FAM177A1: variants seen among roughly 807,000 people sequenced by gnomAD.
The protein encoded by FAM177A1 is family with sequence similarity 177 member A1, also known as protein FAM177A1.
In FAM177A1, 22 loss-of-function variants were observed where a neutral mutation model predicts 26.1. The ratio of observed to expected loss-of-function variants is 0.84; its 90% confidence interval spans 0.60 to 1.20. FAM177A1 has a LOEUF of 1.20. FAM177A1 is among the 50% of genes most tolerant of loss of function. The pLI, the probability that FAM177A1 is intolerant of heterozygous loss-of-function variation, is 0.00. For missense variants in FAM177A1, 296 were observed against 291.1 expected (o/e 1.02, Z -0.12); for synonymous variants, 95 against 99.3 (o/e 0.96, Z 0.26).
intron 1 of FAM177A1, among the ~76,000 whole-genome samples, chr14:35,049,240 C>T (rs932657017): frequency 2.6e-5 from 4 of 152,046 alleles, no homozygotes; most frequent in Admixed American, 2.6e-4. Flanking sequence ...GACTTTTAAC[C>T]AGAATCTCAG....
chr14:35,059,780 C>G (rs2045121275), intron 2 of FAM177A1, among the ~76,000 whole-genome samples: 1 of 152,110 alleles, frequency 6.6e-6, no homozygotes, highest in Non-Finnish European at 1.5e-5. Flanking sequence ...AACTCTTGAC[C>G]TTGTGATCCA....
At chr14:35,058,211 T>C (rs1324065345) in intron 2 of FAM177A1, among the ~76,000 whole-genome samples, 1 of 152,020 alleles carries the variant, frequency 6.6e-6, no homozygotes, top group Non-Finnish European at 1.5e-5. Context: ...GTAGCTGAGA[T>C]TACAGGCTTG....
chr14:35,079,165 CT>C (rs2045442213), intron 4 of FAM177A1, 141 bp downstream of exon 4: 1 of 606,028 alleles, frequency 1.7e-6, no homozygotes, highest in South Asian at 2.4e-5. Flanking sequence ...TCATTAATTT[CT>C]TTTATCAAAG....
upstream of FAM177A1, chr14:35,045,282 C>T (rs761084547): frequency 8.6e-5 from 13 of 152,020 alleles, no homozygotes; most frequent in Admixed American, 3.3e-4. Flanking sequence ...GTTTTTAAGG[C>T]GTAGATGGTT....
chr14:35,077,116 G>A, intron 2 of FAM177A1, 34 bp from the exon 3 acceptor site: 1 of 1,537,356 alleles, frequency 6.5e-7, no homozygotes, highest in Non-Finnish European at 9.0e-7. Context: ...ATGAATTTAG[G>A]TATGAATGTT....
chr14:35,050,869 G>T (rs1232462256), intron 1 of FAM177A1: 4 of 152,298 alleles, frequency 2.6e-5, no homozygotes, highest in African/African-American at 9.6e-5. Flanking sequence ...TATCTCAAGG[G>T]TAAACATGAG....
At chr14:35,069,186 G>C (rs1248823860) in intron 2 of FAM177A1, among the ~76,000 whole-genome samples, 1 of 151,696 alleles carries the variant, frequency 6.6e-6, no homozygotes, top group Non-Finnish European at 1.5e-5. Context: ...TTTTTTAAAT[G>C]TGTATAGCTA....
intron 2 of FAM177A1, among the ~76,000 whole-genome samples, chr14:35,062,563 A>G (rs1311476804): frequency 6.6e-6 from 1 of 152,186 alleles, no homozygotes; most frequent in Non-Finnish European, 1.5e-5. Context: ...ATTACAAAGA[A>G]GAGAGATAAC....
chr14:35,048,161 C>T (rs1377288300), intron 1 of FAM177A1, among the ~76,000 whole-genome samples: 1 of 152,150 alleles, frequency 6.6e-6, no homozygotes, highest in Non-Finnish European at 1.5e-5. Context: ...TGAGTTGAGA[C>T]CTATTGTTGG....
intron 2 of FAM177A1, among the ~76,000 whole-genome samples, chr14:35,055,204 G>A (rs1419417712): frequency 3.3e-5 from 5 of 151,196 alleles, no homozygotes; most frequent in African/African-American, 4.9e-5. Flanking sequence ...TCAGGAGGCT[G>A]AGGCAGGAGA....
intron 2 of FAM177A1, among the ~76,000 whole-genome samples, chr14:35,070,160 A>C (rs2045299204): frequency 7.0e-6 from 1 of 141,964 alleles, no homozygotes; most frequent in Non-Finnish European, 1.5e-5. Flanking sequence ...AGAAGTGAAG[A>C]CCTAGATCTT....
At chr14:35,080,704 G>A (rs2045467470) in intron 4 of FAM177A1, among the ~76,000 whole-genome samples, 1 of 152,124 alleles carries the variant, frequency 6.6e-6, no homozygotes, top group East Asian at 1.9e-4. Context: ...AGGAGGCTGA[G>A]GCAGGAGAAT....
rs771646413 is a variant in FAM177A1, at chr14:35,046,479, C to T, written c.16C>T (p.Pro6Ser). 4.4e-6 allele frequency: 7 copies of T among 1,590,370 alleles called. No homozygotes were observed. Among genetic ancestry groups the T allele is most frequent in the African/African-American group, 2.7e-5 (2 of 73,450 alleles). Residue 6 changes from proline (P) to serine (S), a missense_variant, in exon 1 of 5, where the codon CCG becomes TCG. Physicochemically the swap from Pro to Ser is moderately conservative, Grantham distance 74. Coordinates refer to ENST00000280987, the MANE Select transcript of FAM177A1 (RefSeq NM_173607.5). The stretch of plus-strand genomic sequence containing the variant: ...GAGACCAAGGATGGAAGTGGGCTTA[C>T]CGGCCATTACCCTCTTTCTCACCAG... Reference protein sequence around the residue: MEVGLPAITLFLTSAS... With the variant: MEVGLSAITLFLTSAS...
intron 2 of FAM177A1, among the ~76,000 whole-genome samples, chr14:35,075,556 A>G (rs1216741260): frequency 1.3e-5 from 2 of 152,152 alleles, no homozygotes; most frequent in African/African-American, 4.8e-5. Flanking sequence ...CTTCATGACT[A>G]AAACACCAAA....
intron 2 of FAM177A1, among the ~76,000 whole-genome samples, chr14:35,063,569 A>G (rs1211832174): frequency 3.3e-5 from 5 of 151,916 alleles, no homozygotes; most frequent in African/African-American, 4.8e-5. Context: ...CAAGAGTGAA[A>G]CGCCATCTCA....
At position 35,046,311 on chromosome 14, in the gene FAM177A1, G is replaced by A. The variant is rs2044860228; in HGVS notation, c.-153G>A. ...CAGCTCTCGGGGTGCGGAGCCCGGC[G>A]GGCTAGGCGAGGCGCGGGCTGGCCC... is the stretch of plus-strand genomic sequence containing the variant. On this transcript the variant is annotated 5_prime_UTR_variant, in exon 1 of 5. Coordinates refer to ENST00000280987, the MANE Select transcript of FAM177A1 (RefSeq NM_173607.5). 1.1e-6 allele frequency: 1 copy of A among 884,192 alleles called. No homozygotes were observed. The highest frequency in any genetic ancestry group is 1.6e-6 in the Non-Finnish European group (1 of 633,708). The allele number at this position is 884,192 out of a possible 1,614,324, so 54.8% of individuals were successfully genotyped here. A position where few individuals can be genotyped will look rare whatever the true frequency, so the allele number is the denominator to read the frequency against.
chr14:35,081,257 T>G lies in FAM177A1; in HGVS notation c.*29T>G. 1 of 1,562,348 alleles carries G rather than the reference T, an allele frequency of 6.4e-7. No individual in the cohort carries two copies. The highest frequency in any genetic ancestry group is 8.6e-7 in the Non-Finnish European group (1 of 1,162,064). On this transcript the variant is annotated 3_prime_UTR_variant, in exon 5 of 5. Coordinates refer to ENST00000280987, the MANE Select transcript of FAM177A1 (RefSeq NM_173607.5). ...GAAATGACTATCAAGCTTCAAACTC[T>G]TAAGTTTTTTTTTTTTAATACAAAA... is the stretch of plus-strand genomic sequence containing the variant.
chr14:35,052,502 T>C (rs947790800), intron 1 of FAM177A1, among the ~76,000 whole-genome samples: 28 of 151,942 alleles, frequency 1.8e-4, no homozygotes, highest in African/African-American at 6.8e-4. Flanking sequence ...AGCCCGCGCC[T>C]GGCCCAACTT....
intron 2 of FAM177A1, among the ~76,000 whole-genome samples, chr14:35,063,930 C>T (rs1041215679): frequency 6.6e-6 from 1 of 150,948 alleles, no homozygotes; most frequent in Non-Finnish European, 1.5e-5. Context: ...AGCCTGTAAT[C>T]CCAGCTACTC....
Sources: gnomAD v4.1 joint callset for allele counts (sites outside exome capture counted in the v4.1 genomes callset) on GRCh38, gnomAD v4.1.1 for gene constraint, MANE v1.5 for transcripts, NCBI Gene and HGNC (gene_info 2026-07-23, HGNC 2026-07-21) for gene names.